Variants in HTR3A observed in about 807,000 individuals in gnomAD.
The protein encoded by HTR3A is 5-hydroxytryptamine (serotonin) receptor 3A, ionotropic.
In HTR3A, 45 loss-of-function variants were observed where a neutral mutation model predicts 54.8. The observed-to-expected ratio is 0.82, with a 90% confidence interval of 0.65 to 1.05. HTR3A has a LOEUF of 1.05. Among genes scored for constraint, HTR3A ranks in the 50% least tolerant of loss-of-function variants. The pLI is 0.00. For synonymous variants in HTR3A, 297 were observed against 256.0 expected (o/e 1.16, Z -1.53); for missense variants, 657 against 614.0 (o/e 1.07, Z -0.74).
At chr11:113,987,297 G>A (rs1228253266) in intron 8 of HTR3A, among the ~76,000 whole-genome samples, 1 of 152,232 alleles carries the variant, frequency 6.6e-6, no homozygotes, top group Non-Finnish European at 1.5e-5. Flanking sequence ...AGCATGTCAG[G>A]AGCTGAGTCC....
intron 6 of HTR3A, 42 bp from the exon 7 acceptor site, chr11:113,986,476 C>T (rs1180691948): frequency 6.2e-7 from 1 of 1,606,346 alleles, no homozygotes; most frequent in African/African-American, 1.3e-5. Context: ...GGAGCAGAGC[C>T]TGTTTGCCCC....
intron 3 of HTR3A, among the ~76,000 whole-genome samples, chr11:113,980,026 T>C (rs548626164): frequency 6.6e-6 from 1 of 152,236 alleles, no homozygotes. Flanking sequence ...CCACCAGACA[T>C]GGGACAGGGC....
intron 8 of HTR3A, among the ~76,000 whole-genome samples, chr11:113,988,533 G>A (rs984094157): frequency 1.3e-5 from 2 of 152,038 alleles, no homozygotes; most frequent in East Asian, 1.9e-4. Context: ...GAGGCCAAGG[G>A]GGGTGGTGGA....
chr11:113,977,645 T>C, intron 1 of HTR3A, 126 bp from the exon 2 acceptor site: 1 of 1,497,694 alleles, frequency 6.7e-7, no homozygotes. Context: ...TGTCAGTCTG[T>C]GTTTAGAATT....
intron 1 of HTR3A, 47 bp from the exon 2 acceptor site, chr11:113,977,724 G>C (rs774774403): frequency 2.5e-6 from 4 of 1,604,160 alleles, no homozygotes; most frequent in Non-Finnish European, 3.4e-6. Context: ...AGAACCGGGG[G>C]AAGTCTTGGG....
In HTR3A at chr11:113,989,714, C is replaced by T; in HGVS notation, c.1388C>T (p.Ala463Val). ...CACATTTACCTGCTAGCGGTGCTGGCCTACAGCATCACCCTGGTTATGCTC... is the reference window on the plus strand; with the variant it reads ...CACATTTACCTGCTAGCGGTGCTGGTCTACAGCATCACCCTGGTTATGCTC... The part of the protein sequence containing the change: ...LFHIYLLAVL[A>V]YSITLVMLWS... Residue 463 changes from alanine (A) to valine (V), a missense_variant, in exon 9 of 9, where the codon GCC (alanine) becomes GTC (valine). By Grantham distance (64) the Ala-to-Val change is moderately conservative. Transcript: ENST00000504030. The surrounding 1 kb of genome is among the most constrained non-coding windows in gnomAD (Gnocchi z 4.4). 6.2e-7 allele frequency: 1 copy of T among 1,613,642 alleles called. No individual in the cohort carries two copies. The highest frequency in any genetic ancestry group is 8.5e-7 in the Non-Finnish European group (1 of 1,180,018).
chr11:113,977,535 C>A (rs113630136), intron 1 of HTR3A: 34 of 1,550,950 alleles, frequency 2.2e-5, no homozygotes, highest in Non-Finnish European at 2.6e-5. Flanking sequence ...CAAGCCAGAT[C>A]TCTGCTTTCC....
chr11:113,979,710 T>C (rs1950398105), intron 3 of HTR3A, among the ~76,000 whole-genome samples: 1 of 152,186 alleles, frequency 6.6e-6, no homozygotes, highest in South Asian at 2.1e-4. Flanking sequence ...TTCCCCACTC[T>C]TTTAGCTTCT....
chr11:113,977,927 G>A lies in HTR3A; in HGVS notation c.219+5G>A, dbSNP rs750496719. 6.2e-7 allele frequency: 1 copy of A among 1,614,234 alleles called. No individual in the cohort carries two copies. Among genetic ancestry groups the A allele is most frequent in the South Asian group, 1.1e-5 (1 of 91,082 alleles). The stretch of plus-strand genomic sequence containing the variant: ...GTCTATGCCATCCTCAACGTGGTGA[G>A]GCTCAGCCCCGAGCTGCACACAGGC... On this transcript the variant is annotated splice_donor_5th_base_variant and intron_variant, in intron 2 of 8. Coordinates refer to ENST00000504030, the MANE Select transcript of HTR3A (RefSeq NM_000869.6).
At position 113,986,814 on chromosome 11, in the gene HTR3A, G is replaced by A; in HGVS notation, c.917-11G>A. ...TGCATGTGTCTCTTGCCTCTGCCCT[G>A]GGCTGCACAGGTGTCTACTTTGTGG... On this transcript the variant is annotated splice_polypyrimidine_tract_variant and intron_variant, in intron 7 of 8. Coordinates refer to ENST00000504030, the MANE Select transcript of HTR3A (RefSeq NM_000869.6). 1 of 1,613,982 alleles carries A rather than the reference G, an allele frequency of 6.2e-7. No homozygotes were observed. Among genetic ancestry groups the A allele is most frequent in the Non-Finnish European group, 8.5e-7 (1 of 1,179,980 alleles).
intron 2 of HTR3A, among the ~76,000 whole-genome samples, chr11:113,978,283 G>A (rs1196217844): frequency 6.6e-6 from 1 of 152,186 alleles, no homozygotes; most frequent in Non-Finnish European, 1.5e-5. Context: ...TACCTGGCAG[G>A]TGTCACTAAA....
intron 3 of HTR3A, among the ~76,000 whole-genome samples, chr11:113,979,488 C>T (rs1950395625): frequency 6.6e-6 from 1 of 152,106 alleles, no homozygotes; most frequent in Admixed American, 6.5e-5. Flanking sequence ...CTCCAAACCC[C>T]CTCTGGCTTC....
In HTR3A at chr11:113,989,139, C is replaced by A. The variant is rs1052589052; in HGVS notation, c.1139-326C>A. Reference sequence around the variant, plus strand: ...CCACGGGAGGCCAAAGTAGGCGGATCACTTGAGGTCAAGAGTTCAAGACCA... The same window carrying A: ...CCACGGGAGGCCAAAGTAGGCGGATAACTTGAGGTCAAGAGTTCAAGACCA... On this transcript the variant is annotated intron_variant, in intron 8 of 8. Coordinates refer to ENST00000504030, the MANE Select transcript of HTR3A (RefSeq NM_000869.6). This position sits in a 1 kb window ranked among gnomAD's most constrained non-coding sequence, Gnocchi z 4.4. Among the ~76,000 whole-genome samples, 1 of 151,080 alleles carries A rather than the reference C, an allele frequency of 6.6e-6. No individual in the cohort carries two copies. Among genetic ancestry groups the A allele is most frequent in the Non-Finnish European group, 1.5e-5 (1 of 67,844 alleles).
Position 113,989,722 on chromosome 11 carries a change from A to G in HTR3A, c.1396A>G (p.Ile466Val). 2 of 1,613,440 alleles carry G rather than the reference A, an allele frequency of 1.2e-6. No individual in the cohort carries two copies. Among genetic ancestry groups the G allele is most frequent in the East Asian group, 2.2e-5 (1 of 44,886 alleles). ...CCTGCTAGCGGTGCTGGCCTACAGC[A>G]TCACCCTGGTTATGCTCTGGTCCAT... ...IYLLAVLAYSITLVMLWSIWQ... is the reference protein window; with the variant it reads ...IYLLAVLAYSVTLVMLWSIWQ... Residue 466 changes from isoleucine to valine, a missense_variant, in exon 9 of 9, where the codon ATC becomes GTC. Physicochemically the swap from Ile to Val is conservative, Grantham distance 29 (BLOSUM62 3). Transcript: ENST00000504030. This position sits in a 1 kb window ranked among gnomAD's most constrained non-coding sequence, Gnocchi z 4.4.
chr11:113,975,525 A>G (rs979218115), intron 1 of HTR3A, 133 bp downstream of exon 1: 7 of 732,414 alleles, frequency 9.6e-6, no homozygotes, highest in Non-Finnish European at 1.4e-5. Context: ...CAGCTATCTT[A>G]CCACCTATGA....
chr11:113,977,613 C>G (rs1026165622), intron 1 of HTR3A, 158 bp from the exon 2 acceptor site: 1 of 1,507,286 alleles, frequency 6.6e-7, no homozygotes, highest in African/African-American at 1.4e-5. Context: ...TCTCTGCAGA[C>G]AAAATGCTCT....
At chr11:113,985,433 A>G (rs1268099631) in intron 5 of HTR3A, among the ~76,000 whole-genome samples, 3 of 152,186 alleles carry the variant, frequency 2.0e-5, no homozygotes, top group Non-Finnish European at 2.9e-5. Context: ...ATCCTAGCTT[A>G]TTAAGCATTT....
In HTR3A at chr11:113,975,289, AGCACTCGGAG is replaced by A. The variant is rs1565576993; in HGVS notation, c.-30_-21del. The A allele has an allele frequency of 6.2e-7, 1 of 1,611,270 alleles. No homozygotes were observed. Among genetic ancestry groups the A allele is most frequent in the Non-Finnish European group, 8.5e-7 (1 of 1,178,910 alleles). ...CTGGCCCTTGGTGGGCCTCGTCCTGAGCACTCGGAGGCACTCCTATGCTTGGAAAGCTCGC... is the reference window on the plus strand; with the variant it reads ...CTGGCCCTTGGTGGGCCTCGTCCTGAGCACTCCTATGCTTGGAAAGCTCGC... On this transcript the variant is annotated 5_prime_UTR_variant, in exon 1 of 9. Coordinates refer to ENST00000504030, the MANE Select transcript of HTR3A (RefSeq NM_000869.6).
chr11:113,981,151 C>A, intron 3 of HTR3A, 52 bp from the exon 4 acceptor site: 1 of 1,147,808 alleles, frequency 8.7e-7, no homozygotes, highest in South Asian at 1.2e-5. Context: ...TGCAGGCGAC[C>A]CTCACTGGAG....
Sources: allele counts gnomAD v4.1 joint callset (sites outside exome capture counted in the v4.1 genomes callset), GRCh38; gene constraint gnomAD v4.1.1; non-coding constraint Gnocchi (gnomAD v3.1); transcripts MANE v1.5; gene names NCBI Gene and HGNC (gene_info 2026-07-23, HGNC 2026-07-21).